The following GUCY1A2 variants were observed in gnomAD, a reference collection of about 807,000 sequenced individuals.
The protein encoded by GUCY1A2 is guanylate cyclase 1 soluble subunit alpha 2.
GUCY1A2 carries 27 observed loss-of-function variants against 63.5 expected under a neutral mutation model. That is an observed-to-expected ratio of 0.43 (90% confidence interval 0.31 to 0.59). The LOEUF is 0.59. GUCY1A2 is among the 20% of genes least tolerant of loss of function. The pLI, the probability that GUCY1A2 is intolerant of heterozygous loss-of-function variation, is 0.11. For synonymous variants in GUCY1A2, 364 were observed against 343.5 expected (o/e 1.06, Z -0.66); for missense variants, 768 against 913.3 (o/e 0.84, Z 2.05).
At chr11:106,698,138 TA>T in intron 7 of GUCY1A2, among the ~76,000 whole-genome samples, 1 of 145,868 alleles carries the variant, frequency 6.9e-6, no homozygotes, top group South Asian at 2.1e-4. Context: ...TTTTTTTTTT[TA>T]GACAGGGTCT....
chr11:106,697,448 T>TA (rs1862739574), intron 7 of GUCY1A2, among the ~76,000 whole-genome samples: 1 of 152,212 alleles, frequency 6.6e-6, no homozygotes, highest in Non-Finnish European at 1.5e-5. Flanking sequence ...TATTAAATAT[T>TA]AAAATGTATT....
At chr11:106,914,358 T>C (rs1314660827) in intron 4 of GUCY1A2, among the ~76,000 whole-genome samples, 1 of 152,132 alleles carries the variant, frequency 6.6e-6, no homozygotes, top group Non-Finnish European at 1.5e-5. Flanking sequence ...AAGTTTTTTA[T>C]GCAGACAAAC....
At chr11:106,966,117 T>TG (rs1462005584) in intron 3 of GUCY1A2, among the ~76,000 whole-genome samples, 28 of 152,128 alleles carry the variant, frequency 1.8e-4, no homozygotes, top group Non-Finnish European at 5.9e-5. Flanking sequence ...TTTTCTTTTT[T>TG]GTTTTTTTGA....
intron 2 of GUCY1A2, among the ~76,000 whole-genome samples, chr11:106,982,263 A>G (rs1221881998): frequency 6.6e-6 from 1 of 152,220 alleles, no homozygotes; most frequent in African/African-American, 2.4e-5. Flanking sequence ...TCAGAAAAAA[A>G]GTACCATTAT....
At chr11:106,941,983 C>T (rs926099723) in intron 3 of GUCY1A2, among the ~76,000 whole-genome samples, 4 of 152,160 alleles carry the variant, frequency 2.6e-5, no homozygotes, top group Non-Finnish European at 4.4e-5. Flanking sequence ...TGCCAGGTTA[C>T]AAGACTGCTC....
chr11:106,907,000 G>T (rs1412479534), intron 4 of GUCY1A2, among the ~76,000 whole-genome samples: 1 of 151,954 alleles, frequency 6.6e-6, no homozygotes. Flanking sequence ...CAGGTTGATG[G>T]GTGCAGCAAA....
chr11:106,787,072 G>T (rs1373225630), intron 5 of GUCY1A2, among the ~76,000 whole-genome samples: 1 of 151,746 alleles, frequency 6.6e-6, no homozygotes. Flanking sequence ...AAAATATTAA[G>T]AATTCATTTT....
chr11:106,767,394 A>T (rs1864183155), intron 6 of GUCY1A2, among the ~76,000 whole-genome samples: 1 of 152,026 alleles, frequency 6.6e-6, no homozygotes, highest in Admixed American at 6.6e-5. Flanking sequence ...CTTATTAACT[A>T]TTCTTTCTTG....
chr11:106,791,145 G>T (rs569876340), intron 5 of GUCY1A2, among the ~76,000 whole-genome samples: 20 of 152,326 alleles, frequency 1.3e-4, no homozygotes, highest in African/African-American at 4.8e-4. Context: ...CAGAACTCAA[G>T]TTCTGAACAC....
At chr11:106,698,151 A>C in intron 7 of GUCY1A2, among the ~76,000 whole-genome samples, 2 of 72,122 alleles carry the variant, frequency 2.8e-5, no homozygotes, top group African/African-American at 1.9e-4. Flanking sequence ...ACAGGGTCTC[A>C]CTCTGTTGCT....
intron 4 of GUCY1A2, among the ~76,000 whole-genome samples, chr11:106,831,431 AAGGAAAGTTC>A (rs1397510594): frequency 6.6e-6 from 1 of 152,210 alleles, no homozygotes; most frequent in Non-Finnish European, 1.5e-5. Flanking sequence ...AAGACGGGTA[AAGGAAAGTTC>A]AAAGGCCCAG....
chr11:106,821,378 A>C (rs1858901165), intron 4 of GUCY1A2, among the ~76,000 whole-genome samples: 1 of 152,192 alleles, frequency 6.6e-6, no homozygotes. Context: ...ATTTTTCAGC[A>C]CATACACACA....
At chr11:106,903,563 G>A (rs751251931) in intron 4 of GUCY1A2, among the ~76,000 whole-genome samples, 59 of 152,246 alleles carry the variant, frequency 3.9e-4, no homozygotes, top group Middle Eastern at 6.8e-3. Context: ...CCATTCAAAC[G>A]AAAGCTGGGG....
At chr11:106,918,304 C>T (rs1337446817) in intron 4 of GUCY1A2, among the ~76,000 whole-genome samples, 2 of 145,488 alleles carry the variant, frequency 1.4e-5, no homozygotes, top group African/African-American at 2.4e-5. Context: ...TGCAGTGACA[C>T]TGCAGAGCCC....
rs1280670805 is a variant in GUCY1A2, at chr11:106,687,094, AC to A, written c.*454del. ...GGGAAGTTTACCACACTGCCATGATACATGTATGAAATGTCTGTTCAGAAAA... is the reference window on the plus strand; with the variant it reads ...GGGAAGTTTACCACACTGCCATGATAATGTATGAAATGTCTGTTCAGAAAA... On this transcript the variant is annotated 3_prime_UTR_variant, in exon 8 of 8. Coordinates refer to ENST00000526355, the MANE Select transcript of GUCY1A2 (RefSeq NM_000855.3). 31 of 226,362 alleles carry A rather than the reference AC, an allele frequency of 1.4e-4. No homozygotes were observed. The highest frequency in any genetic ancestry group is 5.1e-4 in the African/African-American group (23 of 44,870). The allele number at this position is 226,362 out of a possible 1,614,324, so 14.0% of individuals were successfully genotyped here. A position where few individuals can be genotyped will look rare whatever the true frequency, so the allele number is the denominator to read the frequency against.
intron 4 of GUCY1A2, among the ~76,000 whole-genome samples, chr11:106,848,437 T>A (rs1016976392): frequency 6.6e-6 from 1 of 151,650 alleles, no homozygotes; most frequent in Non-Finnish European, 1.5e-5. Context: ...AACATGTACC[T>A]GGCAGTGAAC....
chr11:106,993,642 A>G (rs1027623095), intron 1 of GUCY1A2, among the ~76,000 whole-genome samples: 2 of 152,182 alleles, frequency 1.3e-5, no homozygotes, highest in African/African-American at 4.8e-5. Context: ...AAATTAGCCA[A>G]TATCTCTTCA....
At chr11:106,716,796 ATAAG>A (rs1863224068) in intron 6 of GUCY1A2, among the ~76,000 whole-genome samples, 1 of 117,080 alleles carries the variant, frequency 8.5e-6, no homozygotes, top group African/African-American at 3.7e-5. Context: ...AAAAAAAAAG[ATAAG>A]AGTAAATCTC....
intron 4 of GUCY1A2, among the ~76,000 whole-genome samples, chr11:106,906,340 A>G (rs1241764326): frequency 6.6e-6 from 1 of 152,146 alleles, no homozygotes; most frequent in African/African-American, 2.4e-5. Flanking sequence ...TATGAAAAAA[A>G]TCTCATCATC....
Sources: gnomAD v4.1 joint callset for allele counts (sites outside exome capture counted in the v4.1 genomes callset) on GRCh38, gnomAD v4.1.1 for gene constraint, MANE v1.5 for transcripts, NCBI Gene and HGNC (gene_info 2026-07-23, HGNC 2026-07-21) for gene names.